EML4: variants seen among roughly 807,000 people sequenced by gnomAD.
The protein encoded by EML4 is echinoderm microtubule-associated protein-like 4.
In EML4, 72 loss-of-function variants were observed where a neutral mutation model predicts 129.0. The ratio of observed to expected loss-of-function variants is 0.56; its 90% CI spans 0.46 to 0.68. EML4 has a LOEUF of 0.68. Ranked by LOEUF, EML4 falls within the 30% of genes least tolerant of loss-of-function variation. The probability of loss-of-function intolerance (pLI) is 0.00; values close to 1 mark genes in which losing one functional copy is unlikely to be tolerated. For synonymous variants in EML4, 532 were observed against 405.0 expected, an observed-to-expected ratio of 1.31 and a Z score of -3.77; for missense variants, 1,363 against 1,190.6, an observed-to-expected ratio of 1.14 and a Z score of -2.13.
At chr2:42,273,884 C>G (rs1331990042) in intron 6 of EML4, among the ~76,000 whole-genome samples, 1 of 152,130 alleles carries the variant, frequency 6.6e-6, no homozygotes, top group Non-Finnish European at 1.5e-5. Flanking sequence ...TCCAAACATG[C>G]TTACAGATTC....
At chr2:42,231,117 T>TA (rs1674315372) in intron 1 of EML4, among the ~76,000 whole-genome samples, 1 of 152,250 alleles carries the variant, frequency 6.6e-6, no homozygotes, top group Non-Finnish European at 1.5e-5. Flanking sequence ...GCATTGCAGT[T>TA]ATGCTTCTGT....
chr2:42,218,186 A>C (rs973692089), intron 1 of EML4, among the ~76,000 whole-genome samples: 1 of 151,866 alleles, frequency 6.6e-6, no homozygotes, highest in African/African-American at 2.4e-5. Context: ...TTAGATTTTC[A>C]TAGGAATGCA....
chr2:42,191,438 G>C (rs1671574907), intron 1 of EML4, among the ~76,000 whole-genome samples: 1 of 152,148 alleles, frequency 6.6e-6, no homozygotes. Context: ...CTTTGGTCCT[G>C]TTACATCAAA....
At chr2:42,285,207 C>T (rs78966450) in intron 9 of EML4, among the ~76,000 whole-genome samples, 7 of 152,038 alleles carry the variant, frequency 4.6e-5, no homozygotes, top group African/African-American at 1.2e-4. Context: ...CCACCATGCC[C>T]GGCTAACTCT....
chr2:42,212,060 G>C (rs943820446), intron 1 of EML4, among the ~76,000 whole-genome samples: 2 of 152,060 alleles, frequency 1.3e-5, no homozygotes, highest in African/African-American at 4.8e-5. Flanking sequence ...TGACCAGGCT[G>C]GTCTTGAGCT....
At chr2:42,239,070 T>A (rs562889958) in intron 1 of EML4, among the ~76,000 whole-genome samples, 2 of 152,216 alleles carry the variant, frequency 1.3e-5, no homozygotes, top group Non-Finnish European at 2.9e-5. Flanking sequence ...TTCTCAATTA[T>A]TTAATTAGAA....
At position 42,246,818 on chromosome 2, in the gene EML4, C is replaced by T. The variant is rs151127972; in HGVS notation, c.208+1131C>T. 1.0e-3 allele frequency among the ~76,000 whole-genome samples: 157 copies of T among 152,246 alleles called. 1 individual carries two copies. Among genetic ancestry groups the T allele is most frequent in the Non-Finnish European group, 1.3e-3 (87 of 68,020 alleles). On this transcript the variant is annotated intron_variant, in intron 2 of 22. Transcript: ENST00000318522. ...AGTGATGCACATTGCCAGCTGCTTA[C>T]AGAGATGTCAAATAAAACAAAGACT...
chr2:42,328,494 T>TA lies in EML4; in HGVS notation c.2342-391dup, dbSNP rs368347039. Among the ~76,000 whole-genome samples the TA allele has an allele frequency of 6.4e-4, 98 of 152,340 alleles. 1 individual carries two copies. Among genetic ancestry groups the TA allele is most frequent in the African/African-American group, 2.2e-3 (91 of 41,570 alleles). On this transcript the variant is annotated intron_variant, in intron 21 of 22. Coordinates refer to ENST00000318522, the MANE Select transcript of EML4 (RefSeq NM_019063.5). ...AGACTCCACTTCGAAGACTTGGTGT[T>TA]ATGGCTTTGTTTTTGAACCTTGTCT...
At chr2:42,279,158 G>C (rs1284634136) in intron 6 of EML4, among the ~76,000 whole-genome samples, 3 of 152,108 alleles carry the variant, frequency 2.0e-5, no homozygotes, top group Non-Finnish European at 2.9e-5. Flanking sequence ...AGATGTGTGT[G>C]TGTGTATATA....
At chr2:42,257,466 G>A (rs1466034797) in intron 3 of EML4, among the ~76,000 whole-genome samples, 1 of 150,260 alleles carries the variant, frequency 6.7e-6, no homozygotes. Context: ...TCATTGGTGT[G>A]GATTCATAGA....
At chr2:42,169,915 G>T in intron 1 of EML4, 1 of 372,510 alleles carries the variant, frequency 2.7e-6, no homozygotes, top group Non-Finnish European at 4.9e-6. Flanking sequence ...TCCTTCTCAG[G>T]CCCCCCGATA....
At chr2:42,197,520 AT>A (rs1034780022) in intron 1 of EML4, among the ~76,000 whole-genome samples, 1 of 151,996 alleles carries the variant, frequency 6.6e-6, no homozygotes, top group Non-Finnish European at 1.5e-5. Flanking sequence ...TAAATACTAG[AT>A]TTTTTTTAAA....
chr2:42,228,782 CCTT>C (rs1674138303), intron 1 of EML4, among the ~76,000 whole-genome samples: 1 of 152,038 alleles, frequency 6.6e-6, no homozygotes, highest in South Asian at 2.1e-4. Context: ...TATTTATTTA[CCTT>C]CTTCTCTCCC....
chr2:42,174,287 A>G (rs568815506), intron 1 of EML4, among the ~76,000 whole-genome samples: 1 of 152,112 alleles, frequency 6.6e-6, no homozygotes, highest in African/African-American at 2.4e-5. Context: ...AATCTATAGT[A>G]TATTTCTTTG....
intron 1 of EML4, among the ~76,000 whole-genome samples, chr2:42,229,731 G>A (rs1057084902): frequency 6.6e-6 from 1 of 152,056 alleles, no homozygotes; most frequent in Non-Finnish European, 1.5e-5. Flanking sequence ...GAAAACTCTA[G>A]CAAAATAAAT....
At chr2:42,241,514 A>G (rs1197836434) in intron 1 of EML4, among the ~76,000 whole-genome samples, 1 of 152,194 alleles carries the variant, frequency 6.6e-6, no homozygotes, top group Non-Finnish European at 1.5e-5. Flanking sequence ...ATAGGCCATC[A>G]TCACCTTTCA....
At chr2:42,253,886 C>T (rs944644558) in intron 2 of EML4, among the ~76,000 whole-genome samples, 6 of 152,152 alleles carry the variant, frequency 3.9e-5, no homozygotes, top group Non-Finnish European at 5.9e-5. Flanking sequence ...CACAAACAAG[C>T]ATAAGCTATA....
chr2:42,303,491 C>G lies in EML4; in HGVS notation c.1899+45C>G, dbSNP rs139603150. 1.8e-4 allele frequency: 289 copies of G among 1,596,640 alleles called. 1 individual carries two copies. The East Asian group carries it at 5.4e-3, about 30-fold the overall frequency. ...ATTATTAACCTCCCCACAGAAACTC[C>G]TCACACTGGCAGTTGAGAGCAGCAA... On this transcript the variant is annotated intron_variant, in intron 16 of 22. Coordinates refer to ENST00000318522, the MANE Select transcript of EML4 (RefSeq NM_019063.5).
At chr2:42,286,739 CTATTT>C (rs1289567282) in intron 10 of EML4, among the ~76,000 whole-genome samples, 1 of 152,174 alleles carries the variant, frequency 6.6e-6, no homozygotes, top group Non-Finnish European at 1.5e-5. Context: ...TAGAAAAGAT[CTATTT>C]TATTTTAAAA....
Sources: gnomAD v4.1 joint callset for allele counts (sites outside exome capture counted in the v4.1 genomes callset) on GRCh38, gnomAD v4.1.1 for gene constraint, MANE v1.5 for transcripts, NCBI Gene and HGNC (gene_info 2026-07-23, HGNC 2026-07-21) for gene names.